CPLANE1: variants seen among roughly 807,000 people sequenced by gnomAD.
The protein encoded by CPLANE1 is ciliogenesis and planar polarity effector 1.
Under a neutral mutation model 362.5 loss-of-function variants are expected in CPLANE1, and 263 were observed. That is an observed-to-expected ratio of 0.73 (90% CI 0.66 to 0.80). The LOEUF (loss-of-function observed/expected upper bound fraction) is 0.80. Among genes scored for constraint, CPLANE1 ranks in the 30% least tolerant of loss-of-function variants. The pLI is 0.00. For missense variants in CPLANE1, 3,461 were observed against 3,793.4 expected (o/e 0.91, Z 2.30); for synonymous variants, 1,212 against 1,302.6 (o/e 0.93, Z 1.50).
rs11284644 is a variant in CPLANE1, at chr5:37,147,971, C to CAAAAAAAAAAAAAAAAAAAAAAAAAA, written c.8461+184_8461+209dup. Among the ~76,000 whole-genome samples, 6 of 15,312 alleles carry CAAAAAAAAAAAAAAAAAAAAAAAAAA rather than the reference C, an allele frequency of 3.9e-4. 1 individual carries two copies. Among genetic ancestry groups the CAAAAAAAAAAAAAAAAAAAAAAAAAA allele is most frequent in the Non-Finnish European group, 7.3e-4 (4 of 5,460 alleles). 10.0% of individuals were successfully genotyped at this position (15,312 alleles called of 152,430 possible). A position where few individuals can be genotyped will look rare whatever the true frequency, so the allele number is the denominator to read the frequency against. Reference sequence around the variant, plus strand: ...AATCCAGAGGAGGTTACTGCCTTCTCAAAAAAAAAAAAAAAAAAAAAAAAA... The same window carrying CAAAAAAAAAAAAAAAAAAAAAAAAAA: ...AATCCAGAGGAGGTTACTGCCTTCTCAAAAAAAAAAAAAAAAAAAAAAAAAAAAAAAAAAAAAAAAAAAAAAAAAAA... On this transcript the variant is annotated intron_variant, in intron 43 of 52. Transcript: ENST00000651892.
the CPLANE1 span, among the ~76,000 whole-genome samples, chr5:37,075,699 T>TAG: frequency 6.6e-6 from 1 of 152,132 alleles, no homozygotes; most frequent in African/African-American, 2.4e-5. Flanking sequence ...TTATTGTCAG[T>TAG]AGAGCCAGAA....
At chr5:37,192,721 G>A (rs1460691421) in intron 21 of CPLANE1, among the ~76,000 whole-genome samples, 1 of 151,374 alleles carries the variant, frequency 6.6e-6, no homozygotes, top group African/African-American at 2.4e-5. Flanking sequence ...AAAATTAGCT[G>A]GGTGTGGTGG....
Position 37,209,871 on chromosome 5 carries a change from G to C in CPLANE1, c.2921-3446C>G. On this transcript the variant is annotated intron_variant, in intron 16 of 52. Coordinates refer to ENST00000651892, the MANE Select transcript of CPLANE1 (RefSeq NM_001384732.1). The surrounding 1 kb of genome is among the most constrained non-coding windows in gnomAD (Gnocchi z 4.6). ...TCAGACAAGTTCGACATTTAGCAGA[G>C]ATTCTCTGGCTGAGAAGCTTCAGCT... 1 of 1,410,798 alleles carries C rather than the reference G, an allele frequency of 7.1e-7. No homozygotes were observed. The highest frequency in any genetic ancestry group is 1.0e-6 in the Non-Finnish European group (1 of 996,894). The allele number at this position is 1,410,798 out of a possible 1,614,324, so 87.4% of individuals were successfully genotyped here.
At chr5:37,238,499 T>C (rs1327312586) in intron 8 of CPLANE1, among the ~76,000 whole-genome samples, 1 of 140,504 alleles carries the variant, frequency 7.1e-6, no homozygotes, top group African/African-American at 2.7e-5. Context: ...TTTTTTTTTT[T>C]TTTTTTTTTT....
rs918014810 is a variant in CPLANE1 at position 37,125,532 on chromosome 5, T to C, written c.8793-123A>G. ...CCCATCTTCAAAAGTAGTATATACTTATGTTCTCTAGTCAACTCACTCCAA... is the reference window on the plus strand; with the variant it reads ...CCCATCTTCAAAAGTAGTATATACTCATGTTCTCTAGTCAACTCACTCCAA... On this transcript the variant is annotated intron_variant, in intron 46 of 52. Transcript: ENST00000651892. The C allele has an allele frequency of 3.6e-6, 3 of 842,554 alleles. No individual in the cohort carries two copies. In the African/African-American group the frequency reaches 5.2e-5, roughly 15 times the overall value. The allele number at this position is 842,554 out of a possible 1,614,324, so 52.2% of individuals were successfully genotyped here.
At chr5:37,128,804 A>G (rs2150190967) in intron 46 of CPLANE1, among the ~76,000 whole-genome samples, 1 of 152,070 alleles carries the variant, frequency 6.6e-6, no homozygotes, top group East Asian at 1.9e-4. Context: ...GGTTGCAGTG[A>G]GCTGAGATTG....
At chr5:37,207,337 A>G (rs893559355) in intron 16 of CPLANE1, among the ~76,000 whole-genome samples, 3 of 152,222 alleles carry the variant, frequency 2.0e-5, no homozygotes, top group South Asian at 4.1e-4. Context: ...TGACAAACAC[A>G]TCAGGAAAAA....
Position 37,169,558 on chromosome 5 carries a change from C to T in CPLANE1, c.6466G>A (p.Val2156Ile), listed in dbSNP as rs750138893. 6.3e-7 allele frequency: 1 copy of T among 1,589,146 alleles called. No individual in the cohort carries two copies. Among genetic ancestry groups the T allele is most frequent in the Middle Eastern group, 1.7e-4 (1 of 5,924 alleles). ...CATAAAGGAATACTCCCATGTGGAACATTCTGGAAGAGAAAAAAGATATTA... is the reference window on the plus strand; with the variant it reads ...CATAAAGGAATACTCCCATGTGGAATATTCTGGAAGAGAAAAAAGATATTA... The part of the protein sequence containing the change: ...GQNSTGNVQN[V>I]PHGSIPLCQL... The change falls in exon 34 of 53, where the codon GTT becomes ATT. Residue 2156 changes from valine to isoleucine, a missense_variant. Physicochemically the swap from Val to Ile is conservative, Grantham distance 29. Around this residue, in one of 2 missense-constraint regions of CPLANE1, gnomAD observed 3,380 missense variants for 3,666.1 expected, o/e 0.92. Coordinates refer to ENST00000651892, the MANE Select transcript of CPLANE1 (RefSeq NM_001384732.1).
At chr5:37,214,416 A>G (rs926034877) in intron 15 of CPLANE1, among the ~76,000 whole-genome samples, 1 of 152,168 alleles carries the variant, frequency 6.6e-6, no homozygotes, top group Non-Finnish European at 1.5e-5. Context: ...CGGAGGCTGC[A>G]GTAAGCTGAG....
At chr5:37,113,542 C>T (rs561362139) in intron 51 of CPLANE1, among the ~76,000 whole-genome samples, 5 of 152,210 alleles carry the variant, frequency 3.3e-5, no homozygotes, top group Non-Finnish European at 5.9e-5. Flanking sequence ...GTGATCCAAA[C>T]GACCAGAAGC....
At chr5:37,099,016 C>A in the CPLANE1 span, among the ~76,000 whole-genome samples, 1 of 144,704 alleles carries the variant, frequency 6.9e-6, no homozygotes, top group South Asian at 2.2e-4. Flanking sequence ...AAAACAAACA[C>A]AAAATAAGTA....
the CPLANE1 span, among the ~76,000 whole-genome samples, chr5:37,087,221 G>A: frequency 1.4e-4 from 22 of 152,116 alleles, no homozygotes; most frequent in Admixed American, 1.4e-3. Flanking sequence ...ACAGCATTAT[G>A]CACAAGGGCA....
rs758217149 is a variant in CPLANE1, at chr5:37,182,922, C to T, written c.5259G>A (p.Trp1753Ter). The change falls in exon 26 of 53, where the codon TGG (tryptophan) becomes TGA (stop). Residue 1753 changes from tryptophan to a stop codon, truncating the protein, a stop_gained. Transcript: ENST00000651892. LOFTEE classifies it high-confidence loss of function. ...AATCACAGAGTAGCCTTCTATTAGACCACCTTATCATCCATTCCAGCAGTC... is the reference window on the plus strand; with the variant it reads ...AATCACAGAGTAGCCTTCTATTAGATCACCTTATCATCCATTCCAGCAGTC... ...IGRLLEWMIR[W>*]SNRRLLCDSG... is the part of the protein sequence containing the mutation. 17 of 1,605,402 alleles carry T rather than the reference C, an allele frequency of 1.1e-5. No individual in the cohort carries two copies. Among genetic ancestry groups the T allele is most frequent in the Non-Finnish European group, 1.4e-5 (17 of 1,176,700 alleles).
At chr5:37,110,425 A>ATCT (rs1471133251) in intron 51 of CPLANE1, among the ~76,000 whole-genome samples, 2 of 152,144 alleles carry the variant, frequency 1.3e-5, no homozygotes, top group Non-Finnish European at 2.9e-5. Flanking sequence ...ATCATTCAAG[A>ATCT]TCTTCACTCC....
chr5:37,122,614 C>A, intron 47 of CPLANE1, 126 bp from the exon 48 acceptor site: 1 of 682,848 alleles, frequency 1.5e-6, no homozygotes, highest in Non-Finnish European at 2.4e-6. Context: ...CCTACTCTAG[C>A]ATAAAACATA....
intron 51 of CPLANE1, among the ~76,000 whole-genome samples, chr5:37,109,669 G>GT (rs1258976108): frequency 1.3e-5 from 2 of 151,906 alleles, no homozygotes; most frequent in Admixed American, 6.6e-5. Flanking sequence ...TATCTTTTTT[G>GT]TTTTTTGAGA....
intron 47 of CPLANE1, among the ~76,000 whole-genome samples, chr5:37,123,926 A>AACACACACACAC (rs767541734): frequency 1.0e-5 from 1 of 99,730 alleles, no homozygotes; most frequent in African/African-American, 4.9e-5. Flanking sequence ...AGGCTAGGGG[A>AACACACACACAC]ACATACACAC....
Position 37,217,743 on chromosome 5 carries a change from G to A in CPLANE1, c.2746+3581C>T, listed in dbSNP as rs1235674369. On this transcript the variant is annotated intron_variant, in intron 15 of 52. Coordinates refer to ENST00000651892, the MANE Select transcript of CPLANE1 (RefSeq NM_001384732.1). Reference sequence around the variant, plus strand: ...TGTAATCCTAGCACTTTGGGAGGCCGAGGGGGGAGGATCACCTGAGGTCAG... The same window carrying A: ...TGTAATCCTAGCACTTTGGGAGGCCAAGGGGGGAGGATCACCTGAGGTCAG... Among the ~76,000 whole-genome samples, 12 of 151,172 alleles carry A rather than the reference G, an allele frequency of 7.9e-5. No individual in the cohort carries two copies. The East Asian group carries it at 1.8e-3, about 22-fold the overall frequency.
Position 37,108,370 on chromosome 5 carries a change from CCT to C in CPLANE1, c.9500_9501del (p.Glu3167GlyfsTer15), listed in dbSNP as rs1352696534. On this transcript the variant is annotated frameshift_variant, in exon 52 of 53. Coordinates refer to ENST00000651892, the MANE Select transcript of CPLANE1 (RefSeq NM_001384732.1). LOFTEE classifies it high-confidence loss of function. ...ATCGTCCAGGGACTCACCACAGTCTCCTCTCTTTCATACTCTACACACACCTG... is the reference window on the plus strand; with the variant it reads ...ATCGTCCAGGGACTCACCACAGTCTCCTCTTTCATACTCTACACACACCTG... ...TKQVCVEYER[E>X]ETVVSPWTIP... 18 of 1,614,170 alleles carry C rather than the reference CCT, an allele frequency of 1.1e-5. No individual in the cohort carries two copies. The highest frequency in any genetic ancestry group is 1.5e-5 in the Non-Finnish European group (18 of 1,179,994).
Sources: allele counts gnomAD v4.1 joint callset (sites outside exome capture counted in the v4.1 genomes callset), GRCh38; gene constraint gnomAD v4.1.1; regional missense constraint gnomAD v4.1.1; non-coding constraint Gnocchi (gnomAD v3.1); transcripts MANE v1.5; gene names NCBI Gene and HGNC (gene_info 2026-07-23, HGNC 2026-07-21).